The following FAM135A variants were observed in gnomAD, a reference collection of about 807,000 sequenced individuals.
FAM135A encodes the protein family with sequence similarity 135 member A.
A neutral mutation model predicts 146.8 loss-of-function variants in FAM135A; 79 were observed. That is an observed-to-expected ratio of 0.54 (90% CI 0.45 to 0.65). FAM135A has a LOEUF of 0.65. Ranked by LOEUF, FAM135A falls within the 30% of genes least tolerant of loss-of-function variation. The probability of loss-of-function intolerance (pLI) is 0.00; values close to 1 mark genes in which losing one functional copy is unlikely to be tolerated. For missense variants in FAM135A, 1,623 were observed against 1,758.2 expected (o/e 0.92, Z 1.38); for synonymous variants, 562 against 603.6 (o/e 0.93, Z 1.01).
rs554179041 is a variant in FAM135A, at chr6:70,523,936, A to G, written c.1104-31A>G. On this transcript the variant is annotated intron_variant, in intron 13 of 21. Coordinates refer to ENST00000418814, the MANE Select transcript of FAM135A (RefSeq NM_001162529.3). ...GGGGAGTTGGGTATAATTTTTCTAA[A>G]TTACAATCTGACTGAAGAAATATTT... The G allele has an allele frequency of 2.5e-6, 4 of 1,586,652 alleles. No individual in the cohort carries two copies. The African/African-American group carries it at 5.5e-5, about 22-fold the overall frequency.
chr6:70,502,596 A>C (rs1561926315), intron 11 of FAM135A, 40 bp from the exon 12 acceptor site: 2 of 1,583,214 alleles, frequency 1.3e-6, no homozygotes, highest in Non-Finnish European at 1.7e-6. Context: ...GTTACATTAA[A>C]TCTTGGGAAA....
chr6:70,543,894 T>C (rs906728118), intron 20 of FAM135A, among the ~76,000 whole-genome samples: 1 of 152,222 alleles, frequency 6.6e-6, no homozygotes, highest in Non-Finnish European at 1.5e-5. Context: ...TAGTGCGTGA[T>C]CTGGTTGTAC....
chr6:70,533,318 T>A, intron 17 of FAM135A, 67 bp downstream of exon 17: 2 of 1,242,832 alleles, frequency 1.6e-6, no homozygotes, highest in African/African-American at 1.5e-5. Context: ...AAATTTTGCC[T>A]TACTACAAAA....
intron 19 of FAM135A, 96 bp from the exon 20 acceptor site, chr6:70,538,195 C>T: frequency 1.4e-6 from 1 of 711,228 alleles, no homozygotes. Flanking sequence ...TAGGCAATGT[C>T]ATCTTTTGAA....
intron 12 of FAM135A, among the ~76,000 whole-genome samples, chr6:70,519,799 A>C (rs1302576413): frequency 6.6e-6 from 1 of 152,260 alleles, no homozygotes; most frequent in Non-Finnish European, 1.5e-5. Context: ...GAAAAAATTC[A>C]TGTGACTTGC....
At chr6:70,497,236 C>G (rs1787492854) in intron 11 of FAM135A, among the ~76,000 whole-genome samples, 1 of 151,950 alleles carries the variant, frequency 6.6e-6, no homozygotes, top group Admixed American at 6.6e-5. Context: ...ATTTGGATTC[C>G]TAGGTTTTTT....
At chr6:70,469,403 A>G (rs1335004873) in intron 5 of FAM135A, among the ~76,000 whole-genome samples, 1 of 152,240 alleles carries the variant, frequency 6.6e-6, no homozygotes, top group Non-Finnish European at 1.5e-5. Context: ...TTGAGGATAT[A>G]GGCAACTTTC....
At chr6:70,444,121 T>G (rs576148652) in intron 4 of FAM135A, among the ~76,000 whole-genome samples, 2 of 152,316 alleles carry the variant, frequency 1.3e-5, no homozygotes, top group East Asian at 3.9e-4. Flanking sequence ...TTTAAATTTT[T>G]GGGCTGGGTG....
chr6:70,416,541 T>G (rs1331912310), intron 2 of FAM135A, among the ~76,000 whole-genome samples: 1 of 152,198 alleles, frequency 6.6e-6, no homozygotes, highest in African/African-American at 2.4e-5. Context: ...TATATGTACA[T>G]GTGTGCATTT....
chr6:70,546,036 G>A (rs890445767), intron 20 of FAM135A, among the ~76,000 whole-genome samples: 3 of 151,896 alleles, frequency 2.0e-5, no homozygotes. Flanking sequence ...TTCATGTGGG[G>A]TGTTGGGTTT....
At chr6:70,488,617 A>G (rs1785203516) in intron 10 of FAM135A, among the ~76,000 whole-genome samples, 1 of 152,120 alleles carries the variant, frequency 6.6e-6, no homozygotes, top group Non-Finnish European at 1.5e-5. Flanking sequence ...TGACTCCTCT[A>G]GTACTTACCA....
Position 70,559,854 on chromosome 6 carries a change from C to G in FAM135A, c.4481C>G (p.Ala1494Gly). Residue 1494 changes from alanine (A) to glycine (G), a missense_variant, in exon 22 of 22, where the codon GCT becomes GGT. Ala to Gly is a moderately conservative substitution (Grantham distance 60). This residue lies in a region of FAM135A where 138 missense variants were observed against 174.1 expected (regional missense o/e 0.79). Coordinates refer to ENST00000418814, the MANE Select transcript of FAM135A (RefSeq NM_001162529.3). ...CTCATTGGGAGAGCTGCACATATAG[C>G]TGTTCTTGATTCGGAAATATTTTTA... ...DSLIGRAAHI[A>G]VLDSEIFLEK... 6.2e-7 allele frequency: 1 copy of G among 1,614,084 alleles called. No homozygotes were observed. The highest frequency in any genetic ancestry group is 2.2e-5 in the East Asian group (1 of 44,860).
At chr6:70,475,988 G>A (rs1782569992) in intron 7 of FAM135A, among the ~76,000 whole-genome samples, 1 of 152,204 alleles carries the variant, frequency 6.6e-6, no homozygotes, top group East Asian at 1.9e-4. Flanking sequence ...AAATTGCACT[G>A]TTAATGTAAT....
intron 4 of FAM135A, among the ~76,000 whole-genome samples, chr6:70,434,267 A>G (rs1390840723): frequency 1.3e-5 from 2 of 152,232 alleles, no homozygotes; most frequent in Non-Finnish European, 2.9e-5. Flanking sequence ...GGCATAAAGG[A>G]TAAGAGGATG....
At chr6:70,456,990 G>C (rs1224610627) in intron 5 of FAM135A, among the ~76,000 whole-genome samples, 1 of 152,168 alleles carries the variant, frequency 6.6e-6, no homozygotes, top group Non-Finnish European at 1.5e-5. Flanking sequence ...AGGAACCTCA[G>C]AATCTATTCA....
At chr6:70,529,825 G>A (rs1795451771) in intron 16 of FAM135A, among the ~76,000 whole-genome samples, 1 of 152,136 alleles carries the variant, frequency 6.6e-6, no homozygotes, top group Non-Finnish European at 1.5e-5. Flanking sequence ...CACTTTGGGA[G>A]GCTGAGATGG....
intron 20 of FAM135A, among the ~76,000 whole-genome samples, chr6:70,539,654 C>G (rs917559565): frequency 2.0e-5 from 3 of 152,174 alleles, no homozygotes; most frequent in Non-Finnish European, 4.4e-5. Context: ...GTGCTACCAT[C>G]TATTATTCTT....
chr6:70,435,079 GTGTA>G (rs1281183360), intron 4 of FAM135A, among the ~76,000 whole-genome samples: 3,935 of 89,350 alleles, frequency 0.044, 78 homozygotes, highest in Middle Eastern at 0.14. Flanking sequence ...GTGTGTGTGT[GTGTA>G]TATATATATA....
intron 20 of FAM135A, among the ~76,000 whole-genome samples, chr6:70,556,139 C>T (rs1800785311): frequency 6.6e-6 from 1 of 152,088 alleles, no homozygotes; most frequent in Non-Finnish European, 1.5e-5. Flanking sequence ...ATTCCAGCTA[C>T]TCAGGAGGCT....
Sources: allele counts gnomAD v4.1 joint callset (sites outside exome capture counted in the v4.1 genomes callset), GRCh38; gene constraint gnomAD v4.1.1; regional missense constraint gnomAD v4.1.1; transcripts MANE v1.5; gene names NCBI Gene and HGNC (gene_info 2026-07-23, HGNC 2026-07-21).